The following SYCP2 variants were observed in gnomAD, a reference collection of about 807,000 sequenced individuals.
SYCP2 encodes the protein synaptonemal complex protein 2, also known as synaptonemal complex lateral element protein.
SYCP2 carries 55 observed loss-of-function variants against 211.3 expected under a neutral mutation model. The ratio of observed to expected loss-of-function variants is 0.26; its 90% CI spans 0.21 to 0.33. The LOEUF (loss-of-function observed/expected upper bound fraction) is 0.33, where lower values mean the gene tolerates loss of function less well. Among genes scored for constraint, SYCP2 ranks in the 10% least tolerant of loss-of-function variants. The pLI, the probability that SYCP2 is intolerant of heterozygous loss-of-function variation, is 1.00. For synonymous variants in SYCP2, 570 were observed against 555.2 expected (o/e 1.03, Z -0.37); for missense variants, 1,731 against 1,752.0 (o/e 0.99, Z 0.21).
chr20:59,916,560 C>T lies in SYCP2; in HGVS notation c.439G>A (p.Val147Ile), dbSNP rs750746251. 105 of 1,601,258 alleles carry T rather than the reference C, an allele frequency of 6.6e-5. 1 individual carries two copies. In the East Asian group the frequency reaches 1.9e-3, roughly 28 times the overall value. The change falls in exon 8 of 45, where the codon GTA (valine) becomes ATA (isoleucine). Residue 147 changes from valine to isoleucine, a missense_variant. Val to Ile is a conservative substitution (Grantham distance 29). Coordinates refer to ENST00000357552, the MANE Select transcript of SYCP2 (RefSeq NM_014258.4). Reference sequence around the variant, plus strand: ...ATGCGAGGTACGAAACTTTCCACTACTTGTTTTTTACCTGAATAAAAGTGT... The same window carrying T: ...ATGCGAGGTACGAAACTTTCCACTATTTGTTTTTTACCTGAATAAAAGTGT... ...HDVSDEGKKQ[V>I]VESFVPRICS... is the part of the protein sequence containing the mutation.
intron 18 of SYCP2, 59 bp downstream of exon 18, chr20:59,900,075 CATAT>C (rs1411128867): frequency 6.7e-7 from 1 of 1,499,934 alleles, no homozygotes; most frequent in Admixed American, 1.7e-5. Context: ...TTTCAGTACT[CATAT>C]ATAACAGTGA....
At chr20:59,907,028 G>C (rs956186468) in intron 15 of SYCP2, among the ~76,000 whole-genome samples, 1 of 152,106 alleles carries the variant, frequency 6.6e-6, no homozygotes, top group Non-Finnish European at 1.5e-5. Context: ...TTGTCCACTA[G>C]CATTATGCAG....
At chr20:59,886,014 T>A in intron 25 of SYCP2, 50 bp from the exon 26 acceptor site, 1 of 1,345,970 alleles carries the variant, frequency 7.4e-7, no homozygotes, top group South Asian at 1.3e-5. Flanking sequence ...AGTATCAATA[T>A]CATAAAAGTC....
At chr20:59,923,348 T>A (rs1200837011) in intron 2 of SYCP2, among the ~76,000 whole-genome samples, 1 of 151,956 alleles carries the variant, frequency 6.6e-6, no homozygotes, top group Admixed American at 6.6e-5. Flanking sequence ...TTTTGTAGAA[T>A]ATGCATAATT....
chr20:59,919,561 GAAT>G lies in SYCP2; in HGVS notation c.331_333del (p.Ile111del). On this transcript the variant is annotated inframe_deletion, in exon 6 of 45. Coordinates refer to ENST00000357552, the MANE Select transcript of SYCP2 (RefSeq NM_014258.4). The stretch of plus-strand genomic sequence containing the variant: ...TCATCTTTTGAATTTCCTTGACTCT[GAAT>G]AATGTCCTTGGATTTTTCAAACCAG... 6.2e-7 allele frequency: 1 copy of G among 1,609,572 alleles called. No homozygotes were observed. Among genetic ancestry groups the G allele is most frequent in the South Asian group, 1.1e-5 (1 of 90,618 alleles).
intron 29 of SYCP2, 44 bp downstream of exon 29, chr20:59,881,393 G>GAAA: frequency 9.9e-7 from 1 of 1,006,460 alleles, no homozygotes; most frequent in Non-Finnish European, 1.4e-6. Flanking sequence ...ATATTTAAGA[G>GAAA]AAAAAAAAAG....
rs768114400 is a variant in SYCP2, at chr20:59,916,538, C to T, written c.461G>A (p.Arg154His). The T allele has an allele frequency of 1.6e-5, 25 of 1,610,282 alleles. No homozygotes were observed. Among genetic ancestry groups the T allele is most frequent in the East Asian group, 6.7e-5 (3 of 44,796 alleles). The change falls in exon 8 of 45, where the codon CGC becomes CAC. Residue 154 changes from arginine (R) to histidine (H), a missense_variant. Arg to His is a conservative substitution (Grantham distance 29). Around this residue, in one of 3 missense-constraint regions of SYCP2, gnomAD observed 335 missense variants for 378.8 expected, o/e 0.88. Transcript: ENST00000357552. ...TGAGTCAATAACCAGGGAACAAATGCGAGGTACGAAACTTTCCACTACTTG... is the reference window on the plus strand; with the variant it reads ...TGAGTCAATAACCAGGGAACAAATGTGAGGTACGAAACTTTCCACTACTTG... ...KKQVVESFVP[R>H]ICSLVIDSRV...
chr20:59,892,788 G>A, intron 22 of SYCP2, 87 bp from the exon 23 acceptor site: 1 of 1,235,750 alleles, frequency 8.1e-7, no homozygotes, highest in Non-Finnish European at 1.1e-6. Context: ...AACGTTTACT[G>A]AAAGCGATTA....
At chr20:59,880,096 A>C (rs1323844600) in intron 31 of SYCP2, among the ~76,000 whole-genome samples, 2 of 151,214 alleles carry the variant, frequency 1.3e-5, no homozygotes, top group East Asian at 3.9e-4. Flanking sequence ...GATAAGTCAT[A>C]ATTTGTGTCC....
intron 24 of SYCP2, among the ~76,000 whole-genome samples, chr20:59,889,884 G>A (rs540660690): frequency 6.6e-6 from 1 of 151,840 alleles, no homozygotes; most frequent in African/African-American, 2.4e-5. Flanking sequence ...TTAGAATGAT[G>A]ATCATTAAAA....
chr20:59,865,980 C>T (rs2145579642), intron 41 of SYCP2, 115 bp from the exon 42 acceptor site: 1 of 463,600 alleles, frequency 2.2e-6, no homozygotes, highest in East Asian at 3.5e-5. Context: ...TACTCTATTT[C>T]TATTATTACA....
chr20:59,894,465 C>T (rs1469199486), intron 20 of SYCP2, among the ~76,000 whole-genome samples: 3 of 151,894 alleles, frequency 2.0e-5, no homozygotes, highest in Non-Finnish European at 4.4e-5. Flanking sequence ...AACTCTCATA[C>T]CCTTTATCTT....
chr20:59,914,330 T>C lies in SYCP2; in HGVS notation c.635-79A>G. 3 of 770,736 alleles carry C rather than the reference T, an allele frequency of 3.9e-6. No individual in the cohort carries two copies. In the Admixed American group the frequency reaches 9.4e-5, roughly 24 times the overall value. 47.7% of individuals were successfully genotyped at this position (770,736 alleles called of 1,614,324 possible). A position where few individuals can be genotyped will look rare whatever the true frequency, so the allele number is the denominator to read the frequency against. On this transcript the variant is annotated intron_variant, in intron 10 of 44. Coordinates refer to ENST00000357552, the MANE Select transcript of SYCP2 (RefSeq NM_014258.4). The stretch of plus-strand genomic sequence containing the variant: ...AAAGACCATATATTTTACAAGGTAT[T>C]AGAATAAGCAAGAGAAATAAGAATA...
chr20:59,911,867 A>G (rs2060335655), intron 13 of SYCP2, 22 bp from the exon 14 acceptor site: 1 of 1,218,642 alleles, frequency 8.2e-7, no homozygotes, highest in Non-Finnish European at 1.2e-6. Context: ...AACATACAAA[A>G]CTGGAATATA....
intron 24 of SYCP2, among the ~76,000 whole-genome samples, chr20:59,888,816 T>G (rs564569899): frequency 6.6e-6 from 1 of 152,170 alleles, no homozygotes; most frequent in Non-Finnish European, 1.5e-5. Flanking sequence ...AAGGTTAATA[T>G]ACAAAAGTCA....
chr20:59,908,704 C>A (rs2060258551), intron 14 of SYCP2, among the ~76,000 whole-genome samples: 1 of 152,076 alleles, frequency 6.6e-6, no homozygotes, highest in African/African-American at 2.4e-5. Flanking sequence ...CCAAAATATG[C>A]CCTTACCCAG....
chr20:59,867,634 C>A (rs968303732), intron 39 of SYCP2, 77 bp downstream of exon 39: 1 of 1,299,448 alleles, frequency 7.7e-7, no homozygotes, highest in Non-Finnish European at 1.1e-6. Flanking sequence ...AAGGATCAAA[C>A]AAGCCAATGG....
At chr20:59,916,269 A>G (rs907140977) in intron 8 of SYCP2, among the ~76,000 whole-genome samples, 5 of 152,194 alleles carry the variant, frequency 3.3e-5, no homozygotes, top group Admixed American at 2.0e-4. Flanking sequence ...TCTGGTTGGT[A>G]TAATTTATTT....
At position 59,885,905 on chromosome 20, in the gene SYCP2, GAAGTT is replaced by G. The variant is rs755006409; in HGVS notation, c.2529+18_2529+22del. 74 of 1,572,654 alleles carry G rather than the reference GAAGTT, an allele frequency of 4.7e-5. No homozygotes were observed. Among genetic ancestry groups the G allele is most frequent in the African/African-American group, 2.2e-4 (16 of 73,398 alleles). On this transcript the variant is annotated intron_variant, in intron 26 of 44. Coordinates refer to ENST00000357552, the MANE Select transcript of SYCP2 (RefSeq NM_014258.4). ...TATTGAGTTTGACTATAGATTTGGTGAAGTTAAGTAAATAACACCTACCTTACTGA... is the reference window on the plus strand; with the variant it reads ...TATTGAGTTTGACTATAGATTTGGTGAAGTAAATAACACCTACCTTACTGA...
Sources: allele counts gnomAD v4.1 joint callset (sites outside exome capture counted in the v4.1 genomes callset), GRCh38; gene constraint gnomAD v4.1.1; regional missense constraint gnomAD v4.1.1; transcripts MANE v1.5; gene names NCBI Gene and HGNC (gene_info 2026-07-23, HGNC 2026-07-21).